Variants in MMAA observed in about 807,000 individuals in gnomAD.
MMAA encodes the protein metabolism of cobalamin associated A.
Under a neutral mutation model 45.0 loss-of-function variants are expected in MMAA, and 41 were observed. The observed-to-expected ratio is 0.91, with a 90% CI of 0.71 to 1.18. MMAA has a LOEUF of 1.18. Among genes scored for constraint, MMAA ranks in the 50% most tolerant of loss-of-function variants. The pLI is 0.00. For synonymous variants in MMAA, 154 were observed against 178.2 expected, an observed-to-expected ratio of 0.86 and a Z score of 1.08; for missense variants, 460 against 495.7, an observed-to-expected ratio of 0.93 and a Z score of 0.68.
chr4:145,625,454 C>A, intron 1 of MMAA: 4 of 711,706 alleles, frequency 5.6e-6, no homozygotes, highest in South Asian at 4.1e-5. Flanking sequence ...AGCTGCAATA[C>A]TGGATGCTGA....
chr4:145,642,133 T>C (rs1727804595), intron 2 of MMAA, among the ~76,000 whole-genome samples: 1 of 152,160 alleles, frequency 6.6e-6, no homozygotes, highest in African/African-American at 2.4e-5. Flanking sequence ...TTTTTAAAAG[T>C]GAATTTTGTG....
chr4:145,654,607 CATT>C (rs910470657), intron 6 of MMAA, among the ~76,000 whole-genome samples: 1 of 152,180 alleles, frequency 6.6e-6, no homozygotes, highest in African/African-American at 2.4e-5. Context: ...AAGCTGTAAT[CATT>C]ATAATGAGGA....
intron 4 of MMAA, 116 bp downstream of exon 4, chr4:145,646,272 C>T (rs1727927018): frequency 9.1e-7 from 1 of 1,098,072 alleles, no homozygotes; most frequent in Non-Finnish European, 1.4e-6. Context: ...TAATTAAATA[C>T]AAGATATCCC....
intron 1 of MMAA, among the ~76,000 whole-genome samples, chr4:145,620,444 GTC>G (rs1314760025): frequency 1.3e-5 from 2 of 152,190 alleles, no homozygotes; most frequent in African/African-American, 4.8e-5. Context: ...GGGAATGGGG[GTC>G]TCTCAAACGC....
intron 4 of MMAA, among the ~76,000 whole-genome samples, chr4:145,649,858 A>G (rs1728041265): frequency 6.6e-6 from 1 of 151,792 alleles, no homozygotes; most frequent in Non-Finnish European, 1.5e-5. Context: ...TGCAGCCTCA[A>G]CCTCCCAGGC....
chr4:145,625,713 C>T, intron 1 of MMAA: 1 of 1,473,806 alleles, frequency 6.8e-7, no homozygotes, highest in Non-Finnish European at 9.5e-7. Flanking sequence ...GTTTTGGGTA[C>T]ACTCCAGTTG....
intron 1 of MMAA, among the ~76,000 whole-genome samples, chr4:145,621,262 G>A (rs1734083037): frequency 6.6e-6 from 1 of 152,172 alleles, no homozygotes; most frequent in Non-Finnish European, 1.5e-5. Flanking sequence ...GAGCTTCCTA[G>A]TTCAAGCCTG....
chr4:145,655,475 A>G lies in MMAA; in HGVS notation c.*41A>G, dbSNP rs780219088. The G allele has an allele frequency of 2.5e-5, 38 of 1,521,022 alleles. 1 individual carries two copies. The South Asian group carries it at 3.4e-4, about 13-fold the overall frequency. 94.2% of individuals were successfully genotyped at this position (1,521,022 alleles called of 1,614,324 possible). A position where few individuals can be genotyped will look rare whatever the true frequency, so the allele number is the denominator to read the frequency against. On this transcript the variant is annotated 3_prime_UTR_variant, in exon 7 of 7. Coordinates refer to ENST00000649156, the MANE Select transcript of MMAA (RefSeq NM_172250.3). ...ATAATAATTTTACATATCATTTCAT[A>G]AAGTATTTTAATAGAAAAATCACTT...
At chr4:145,632,658 T>C (rs117048182) in intron 1 of MMAA, among the ~76,000 whole-genome samples, 1 of 152,344 alleles carries the variant, frequency 6.6e-6, no homozygotes, top group East Asian at 1.9e-4. Flanking sequence ...CTTTTGAGGC[T>C]ATTTTCTAAA....
chr4:145,624,583 G>T (rs758936923), intron 1 of MMAA: 8 of 1,249,984 alleles, frequency 6.4e-6, no homozygotes, highest in South Asian at 1.3e-5. Context: ...AGCAATTCTA[G>T]AAGGAACCAT....
intron 1 of MMAA, among the ~76,000 whole-genome samples, chr4:145,627,991 G>C (rs1486342257): frequency 2.0e-5 from 3 of 152,040 alleles, no homozygotes; most frequent in African/African-American, 7.2e-5. Flanking sequence ...ATATATGCTG[G>C]CTTTATGTCT....
chr4:145,626,064 T>G, intron 1 of MMAA: 1 of 965,376 alleles, frequency 1.0e-6, no homozygotes, highest in Non-Finnish European at 1.6e-6. Flanking sequence ...TCCCAGTGCC[T>G]CTCTGGGGCA....
At chr4:145,641,216 A>G (rs1727771961) in intron 2 of MMAA, among the ~76,000 whole-genome samples, 1 of 152,232 alleles carries the variant, frequency 6.6e-6, no homozygotes, top group African/African-American at 2.4e-5. Flanking sequence ...AATTCTAGGT[A>G]TGACAAAGTG....
chr4:145,621,501 C>T (rs1734086471), intron 1 of MMAA, among the ~76,000 whole-genome samples: 1 of 152,018 alleles, frequency 6.6e-6, no homozygotes, highest in Non-Finnish European at 1.5e-5. Flanking sequence ...TATTTAAAAC[C>T]TATTTAAAAG....
chr4:145,656,419 C>T lies in MMAA; in HGVS notation c.*985C>T, dbSNP rs1728233127. 1 of 152,030 alleles carries T rather than the reference C, an allele frequency of 6.6e-6. No individual in the cohort carries two copies. Among genetic ancestry groups the T allele is most frequent in the Non-Finnish European group, 1.5e-5 (1 of 67,996 alleles). The allele number at this position is 152,030 out of a possible 1,614,324, so 9.4% of individuals were successfully genotyped here. A position where few individuals can be genotyped will look rare whatever the true frequency, so the allele number is the denominator to read the frequency against. ...AATCTCTTTAAGCTTCCATTTCCTC[C>T]CTGGTAAAATGAAATTGGCAAATAA... On this transcript the variant is annotated 3_prime_UTR_variant, in exon 7 of 7. Transcript: ENST00000649156.
At chr4:145,650,913 C>T in intron 4 of MMAA, 149 bp from the exon 5 acceptor site, 1 of 731,318 alleles carries the variant, frequency 1.4e-6, no homozygotes, top group Non-Finnish European at 2.5e-6. Flanking sequence ...TTAATACATT[C>T]TTCAGAAGTG....
At chr4:145,624,155 T>C in intron 1 of MMAA, 1 of 1,086,318 alleles carries the variant, frequency 9.2e-7, no homozygotes, top group Non-Finnish European at 1.4e-6. Context: ...TCTTGTCCAC[T>C]CCTTCACATC....
intron 1 of MMAA, among the ~76,000 whole-genome samples, chr4:145,637,458 G>A (rs1472058329): frequency 5.1e-5 from 7 of 137,596 alleles, no homozygotes; most frequent in Non-Finnish European, 6.2e-5. Context: ...CCACCCCACC[G>A]CCCCATAGAG....
chr4:145,631,337 G>A (rs1046129692), intron 1 of MMAA, among the ~76,000 whole-genome samples: 15 of 152,194 alleles, frequency 9.9e-5, no homozygotes, highest in Non-Finnish European at 4.4e-5. Context: ...AAGGTTGGGT[G>A]CATGTAGATT....
Sources: gnomAD v4.1 joint callset for allele counts (sites outside exome capture counted in the v4.1 genomes callset) on GRCh38, gnomAD v4.1.1 for gene constraint, MANE v1.5 for transcripts, NCBI Gene and HGNC (gene_info 2026-07-23, HGNC 2026-07-21) for gene names.